The following SLCO4C1 variants were observed in gnomAD, a reference collection of about 807,000 sequenced individuals.
The protein encoded by SLCO4C1 is solute carrier organic anion transporter family member 4C1.
SLCO4C1 carries 58 observed loss-of-function variants against 72.1 expected under a neutral mutation model. That is an observed-to-expected ratio of 0.80 (90% CI 0.65 to 1.00). The LOEUF (loss-of-function observed/expected upper bound fraction) is 1.00, where lower values mean the gene tolerates loss of function less well. Ranked by LOEUF, SLCO4C1 falls within the 50% of genes least tolerant of loss-of-function variation. The pLI is 0.00. For missense variants in SLCO4C1, 898 were observed against 857.9 expected (o/e 1.05, Z -0.58); for synonymous variants, 297 against 312.5 (o/e 0.95, Z 0.52).
chr5:102,246,506 A>AAATGTCTCCCAGTAAAGAAAAGCC (rs1748638898), intron 10 of SLCO4C1, among the ~76,000 whole-genome samples: 2 of 152,160 alleles, frequency 1.3e-5, no homozygotes, highest in Non-Finnish European at 2.9e-5. Context: ...AGCTGTAAGG[A>AAATGTCTCCCAGTAAAGAAAAGCC]AATGTCTCCC....
intron 1 of SLCO4C1, among the ~76,000 whole-genome samples, chr5:102,293,980 T>C (rs1274742401): frequency 1.3e-5 from 2 of 152,182 alleles, no homozygotes; most frequent in East Asian, 3.9e-4. Flanking sequence ...ACGATCTCGG[T>C]CCACTTCAAA....
In SLCO4C1 at chr5:102,291,497, G is replaced by C. The variant is rs1749550547; in HGVS notation, c.465C>G (p.Phe155Leu). The C allele has an allele frequency of 6.2e-7, 1 of 1,613,982 alleles. No individual in the cohort carries two copies. The highest frequency in any genetic ancestry group is 1.7e-5 in the Admixed American group (1 of 60,002). The change falls in exon 2 of 13, where the codon TTC becomes TTG. Residue 155 changes from phenylalanine to leucine, a missense_variant. Coordinates refer to ENST00000310954, the MANE Select transcript of SLCO4C1 (RefSeq NM_180991.5). ...ATGATACAAATAAAGACAACAAACA[G>C]AATGAAATATCGTAGCTTGATGAAA... ...GLISSSYDIS[F>L]CLLSLFVSFF... is the part of the protein sequence containing the mutation.
At chr5:102,253,793 A>G (rs1168273798) in intron 8 of SLCO4C1, among the ~76,000 whole-genome samples, 1 of 138,392 alleles carries the variant, frequency 7.2e-6, no homozygotes, top group African/African-American at 2.6e-5. Flanking sequence ...CGACCAAAGG[A>G]GACTCTATCT....
chr5:102,237,043 T>C, intron 12 of SLCO4C1, 25 bp from the exon 13 acceptor site: 2 of 1,547,338 alleles, frequency 1.3e-6, no homozygotes, highest in Non-Finnish European at 1.7e-6. Context: ...AAATTAATCA[T>C]GTGCTTTTGT....
At chr5:102,281,027 A>C (rs1036955240) in intron 2 of SLCO4C1, among the ~76,000 whole-genome samples, 28 of 152,312 alleles carry the variant, frequency 1.8e-4, no homozygotes, top group African/African-American at 6.3e-4. Context: ...GAAAAATAAC[A>C]ATGAAGTGAG....
chr5:102,291,577 T>A lies in SLCO4C1; in HGVS notation c.385A>T (p.Ser129Cys), dbSNP rs774378056. The A allele has an allele frequency of 1.7e-5, 27 of 1,613,300 alleles. No individual in the cohort carries two copies. The highest frequency in any genetic ancestry group is 2.7e-5 in the African/African-American group (2 of 74,902). The change falls in exon 2 of 13, where the codon AGC becomes TGC. Residue 129 changes from serine (S) to cysteine (C), a missense_variant. Transcript: ENST00000310954. The stretch of plus-strand genomic sequence containing the variant: ...TAACGCTTCTCAACAGTGGAAATGC[T>A]AATATTTACTAGGCCATTAACTACA... Reference protein sequence around the residue: ...GIVVNGLVNISISTVEKRYEM... With the variant: ...GIVVNGLVNICISTVEKRYEM...
intron 3 of SLCO4C1, among the ~76,000 whole-genome samples, chr5:102,266,478 T>TG (rs1749041578): frequency 6.6e-6 from 1 of 152,004 alleles, no homozygotes; most frequent in Non-Finnish European, 1.5e-5. Context: ...GGTGAAACCC[T>TG]GTCTCTACTA....
intron 3 of SLCO4C1, among the ~76,000 whole-genome samples, chr5:102,269,332 A>G (rs955784502): frequency 7.0e-6 from 1 of 142,256 alleles, no homozygotes; most frequent in African/African-American, 2.7e-5. Context: ...TAGTGCCCAT[A>G]TGTCACATAA....
chr5:102,291,574 T>C lies in SLCO4C1; in HGVS notation c.388A>G (p.Ile130Val), dbSNP rs768750263. 3.1e-6 allele frequency: 5 copies of C among 1,613,582 alleles called. No individual in the cohort carries two copies. The highest frequency in any genetic ancestry group is 1.1e-5 in the South Asian group (1 of 90,922). ...TCATAACGCTTCTCAACAGTGGAAA[T>C]GCTAATATTTACTAGGCCATTAACT... ...IVVNGLVNIS[I>V]STVEKRYEMK... The change falls in exon 2 of 13, where the codon ATT becomes GTT. Residue 130 changes from isoleucine (I) to valine (V), a missense_variant. By Grantham distance (29) the Ile-to-Val change is conservative (BLOSUM62 3). Transcript: ENST00000310954.
intron 9 of SLCO4C1, among the ~76,000 whole-genome samples, chr5:102,248,890 T>C (rs1580242543): frequency 6.6e-6 from 1 of 152,150 alleles, no homozygotes; most frequent in East Asian, 1.9e-4. Flanking sequence ...AGTAAAATTG[T>C]ACTGAGTTCT....
intron 8 of SLCO4C1, among the ~76,000 whole-genome samples, 176 bp downstream of exon 8, chr5:102,256,935 CAACT>C (rs1340879559): frequency 6.6e-6 from 1 of 152,090 alleles, no homozygotes; most frequent in Non-Finnish European, 1.5e-5. Flanking sequence ...TAAATATCCC[CAACT>C]TTTAAGAAGA....
intron 2 of SLCO4C1, among the ~76,000 whole-genome samples, chr5:102,286,173 T>G (rs1023780644): frequency 6.6e-6 from 1 of 152,004 alleles, no homozygotes; most frequent in African/African-American, 2.4e-5. Context: ...GTGCTACAGC[T>G]AATGTGAATT....
chr5:102,264,531 G>T (rs1259189359), intron 3 of SLCO4C1, among the ~76,000 whole-genome samples: 1 of 151,812 alleles, frequency 6.6e-6, no homozygotes, highest in Non-Finnish European at 1.5e-5. Context: ...GAGTGTACAT[G>T]GTTATGTGTC....
At chr5:102,269,406 C>T (rs544824839) in intron 3 of SLCO4C1, among the ~76,000 whole-genome samples, 2 of 151,786 alleles carry the variant, frequency 1.3e-5, no homozygotes, top group Admixed American at 6.6e-5. Flanking sequence ...TTCAAAAGAC[C>T]GCTCTTCGTG....
intron 12 of SLCO4C1, among the ~76,000 whole-genome samples, chr5:102,237,225 G>A (rs1022447115): frequency 4.6e-5 from 7 of 152,100 alleles, no homozygotes; most frequent in African/African-American, 1.7e-4. Flanking sequence ...TTCTTTCTAA[G>A]CTGTAATAGA....
chr5:102,271,897 G>A (rs957595869), intron 2 of SLCO4C1, among the ~76,000 whole-genome samples: 12 of 152,016 alleles, frequency 7.9e-5, no homozygotes, highest in African/African-American at 2.9e-4. Context: ...TGTATATGTT[G>A]CGAAAAAGGC....
In SLCO4C1 at chr5:102,262,035, T is replaced by A. The variant is rs1185758342; in HGVS notation, c.900-2A>T. On this transcript the variant is annotated splice_acceptor_variant, in intron 4 of 12. Coordinates refer to ENST00000310954, the MANE Select transcript of SLCO4C1 (RefSeq NM_180991.5). LOFTEE classifies it high-confidence loss of function. The stretch of plus-strand genomic sequence containing the variant: ...GGATCATCCTCAGTGACATCAGTGC[T>A]ATATGATAGAAAAACAAGAGGTAAA... 2 of 1,598,632 alleles carry A rather than the reference T, an allele frequency of 1.3e-6. No individual in the cohort carries two copies. Among genetic ancestry groups the A allele is most frequent in the African/African-American group, 2.7e-5 (2 of 74,042 alleles).
intron 2 of SLCO4C1, among the ~76,000 whole-genome samples, chr5:102,277,679 C>T (rs895184392): frequency 4.6e-5 from 7 of 151,974 alleles, no homozygotes; most frequent in Admixed American, 2.6e-4. Flanking sequence ...ACTTGGACTT[C>T]GATGCCACTC....
At chr5:102,279,533 G>A (rs543145428) in intron 2 of SLCO4C1, among the ~76,000 whole-genome samples, 1 of 152,032 alleles carries the variant, frequency 6.6e-6, no homozygotes, top group Non-Finnish European at 1.5e-5. Context: ...GAAAATAGTA[G>A]AGGAGGAACA....
Sources: allele counts gnomAD v4.1 joint callset (sites outside exome capture counted in the v4.1 genomes callset), GRCh38; gene constraint gnomAD v4.1.1; transcripts MANE v1.5; gene names NCBI Gene and HGNC (gene_info 2026-07-23, HGNC 2026-07-21).